Variants in XIRP2 observed in about 807,000 individuals in gnomAD.
XIRP2 encodes the protein xin actin-binding repeat-containing protein 2.
Under a neutral mutation model 277.0 loss-of-function variants are expected in XIRP2, and 236 were observed. That is an observed-to-expected ratio of 0.85 (90% confidence interval 0.77 to 0.95). The LOEUF is 0.95. XIRP2 is among the 40% of genes least tolerant of loss of function. XIRP2 has a pLI of 0.00. For synonymous variants in XIRP2, 1,490 were observed against 1,416.5 expected (o/e 1.05, Z -1.17); for missense variants, 4,640 against 4,157.5 (o/e 1.12, Z -3.19).
intron 3 of XIRP2, among the ~76,000 whole-genome samples, chr2:167,157,507 C>T (rs1196610685): frequency 6.6e-6 from 1 of 152,020 alleles, no homozygotes; most frequent in African/African-American, 2.4e-5. Context: ...TATAAGTATG[C>T]ATGTATAATA....
intron 2 of XIRP2, among the ~76,000 whole-genome samples, chr2:166,922,728 C>T (rs982871669): frequency 6.6e-6 from 1 of 151,532 alleles, no homozygotes; most frequent in Non-Finnish European, 1.5e-5. Flanking sequence ...TGCACTCCAG[C>T]CTGGGCAACA....
intron 2 of XIRP2, among the ~76,000 whole-genome samples, chr2:167,074,661 G>C (rs2105254693): frequency 6.6e-6 from 1 of 151,382 alleles, no homozygotes; most frequent in African/African-American, 2.4e-5. Context: ...TGTTTGTATG[G>C]GACAGGCTCT....
At chr2:167,149,494 T>A (rs1440174492) in intron 3 of XIRP2, among the ~76,000 whole-genome samples, 1 of 152,192 alleles carries the variant, frequency 6.6e-6, no homozygotes, top group Non-Finnish European at 1.5e-5. Flanking sequence ...GCATTTAGTT[T>A]ATGACATATG....
At chr2:167,204,165 T>C (rs1230054841) in intron 3 of XIRP2, among the ~76,000 whole-genome samples, 1 of 152,206 alleles carries the variant, frequency 6.6e-6, no homozygotes, top group Non-Finnish European at 1.5e-5. Context: ...CTTACATTGA[T>C]TTTAGCAAAT....
chr2:166,939,699 CA>C (rs796839379), intron 2 of XIRP2, among the ~76,000 whole-genome samples: 15 of 120,470 alleles, frequency 1.2e-4, no homozygotes, highest in South Asian at 2.7e-4. Context: ...AAAAAAAAAA[CA>C]AAAAACAAAA....
Position 167,210,801 on chromosome 2 carries a change from T to A in XIRP2, c.629T>A (p.Val210Glu). Residue 210 changes from valine to glutamate, a missense_variant, in exon 4 of 11, where the codon GTG becomes GAG. Transcript: ENST00000409195. Reference sequence around the variant, plus strand: ...GACAGTGCTGCTCGGGGCGAGGGTGTGTCAGACCTCCACGAAGTGGTCTCC... The same window carrying A: ...GACAGTGCTGCTCGGGGCGAGGGTGAGTCAGACCTCCACGAAGTGGTCTCC... ...AEDSAARGEG[V>E]SDLHEVVSLK... 1 of 1,614,158 alleles carries A rather than the reference T, an allele frequency of 6.2e-7. No individual in the cohort carries two copies. The highest frequency in any genetic ancestry group is 8.5e-7 in the Non-Finnish European group (1 of 1,180,010).
At chr2:167,218,082 A>T (rs1694309232) in intron 4 of XIRP2, 84 bp from the exon 5 acceptor site, 2 of 1,209,110 alleles carry the variant, frequency 1.7e-6, no homozygotes, top group South Asian at 5.3e-5. Flanking sequence ...CTATCAATAA[A>T]TGTCAACTAT....
In XIRP2 at chr2:167,246,320, G is replaced by A. The variant is rs1695261152; in HGVS notation, c.4928G>A (p.Arg1643Lys). The change falls in exon 9 of 11, where the codon AGA (arginine) becomes AAA (lysine). Residue 1643 changes from arginine (R) to lysine (K), a missense_variant. Physicochemically the swap from Arg to Lys is conservative, Grantham distance 26. Transcript: ENST00000409195. ...TTGACTAAAACTCAATTATTAAACA[G>A]ATCAACTGAATTTCATGCTGAAAAA... ...VNLTKTQLLN[R>K]STEFHAEKEE... The A allele has an allele frequency of 7.4e-6, 12 of 1,612,796 alleles. No homozygotes were observed. Among genetic ancestry groups the A allele is most frequent in the African/African-American group, 1.3e-5 (1 of 74,776 alleles).
Position 167,086,349 on chromosome 2 carries a change from A to G in XIRP2, c.409-49560A>G, listed in dbSNP as rs199634560. On this transcript the variant is annotated intron_variant, in intron 2 of 10. Transcript: ENST00000409195. ...ATGGGCTTCCCTTTGAGGGTAACCC[A>G]ACCTTTCTCTCTGGCTGCCCTTCAC... Among the ~76,000 whole-genome samples the G allele has an allele frequency of 1.6e-3, 250 of 152,242 alleles. 3 individuals carry two copies. The highest frequency in any genetic ancestry group is 5.5e-3 in the African/African-American group (227 of 41,566).
intron 2 of XIRP2, among the ~76,000 whole-genome samples, chr2:166,930,289 C>T (rs893440208): frequency 1.3e-5 from 2 of 152,134 alleles, no homozygotes; most frequent in African/African-American, 4.8e-5. Flanking sequence ...GATTTACCAC[C>T]AGACTTGAAG....
intron 2 of XIRP2, among the ~76,000 whole-genome samples, chr2:167,029,037 A>C (rs1326254871): frequency 6.6e-6 from 1 of 151,904 alleles, no homozygotes; most frequent in African/African-American, 2.4e-5. Flanking sequence ...AGAAAAAAAG[A>C]ATGAAAAACA....
At chr2:167,000,158 G>A (rs1467970591) in intron 2 of XIRP2, among the ~76,000 whole-genome samples, 1 of 152,026 alleles carries the variant, frequency 6.6e-6, no homozygotes, top group African/African-American at 2.4e-5. Context: ...ATTTGCTAGG[G>A]AATATTAGAG....
chr2:167,127,712 C>T (rs1050312318), intron 2 of XIRP2, among the ~76,000 whole-genome samples: 1 of 152,186 alleles, frequency 6.6e-6, no homozygotes. Context: ...TCAGGGGAAG[C>T]TCAAACTCAA....
intron 3 of XIRP2, among the ~76,000 whole-genome samples, chr2:167,153,351 T>G (rs1047783626): frequency 6.7e-6 from 1 of 148,244 alleles, no homozygotes; most frequent in Non-Finnish European, 1.5e-5. Context: ...TGTTTCACTC[T>G]TTAAAATAGT....
chr2:166,915,412 T>C (rs1204577713), intron 2 of XIRP2, among the ~76,000 whole-genome samples: 2 of 151,760 alleles, frequency 1.3e-5, no homozygotes, highest in Non-Finnish European at 1.5e-5. Flanking sequence ...TTGGGTGATA[T>C]AGATTATGTG....
rs987933515 is a variant in XIRP2 at position 167,146,820 on chromosome 2, T to C, written c.562+10758T>C. On this transcript the variant is annotated intron_variant, in intron 3 of 10. Transcript: ENST00000409195. ...AGGGTCTATACCTGTAGACAAAAGA[T>C]AGTGAAAGTACGTAATACGACAGAA... is the stretch of plus-strand genomic sequence containing the variant. Among the ~76,000 whole-genome samples the C allele has an allele frequency of 3.3e-5, 5 of 151,930 alleles. No homozygotes were observed. In the East Asian group the frequency reaches 9.7e-4, roughly 30 times the overall value.
At chr2:167,163,535 G>T (rs1692430439) in intron 3 of XIRP2, among the ~76,000 whole-genome samples, 1 of 151,940 alleles carries the variant, frequency 6.6e-6, no homozygotes, top group Non-Finnish European at 1.5e-5. Flanking sequence ...TGTTGTAGGT[G>T]TTCTTTACAT....
Position 166,898,968 on chromosome 2 carries a change from G to A in XIRP2, c.-18-4497G>A, listed in dbSNP as rs148772954. Among the ~76,000 whole-genome samples the A allele has an allele frequency of 2.3e-3, 356 of 152,192 alleles. 3 individuals carry two copies. Among genetic ancestry groups the A allele is most frequent in the African/African-American group, 7.7e-3 (321 of 41,538 alleles). On this transcript the variant is annotated intron_variant, in intron 1 of 10. Coordinates refer to ENST00000409195, the MANE Select transcript of XIRP2 (RefSeq NM_152381.6). Reference sequence around the variant, plus strand: ...GTTTTTAATCCACCCCACAATCTCTGTCTTTTCATTTTTATGCCTTGGGCA... The same window carrying A: ...GTTTTTAATCCACCCCACAATCTCTATCTTTTCATTTTTATGCCTTGGGCA...
At chr2:167,253,947 G>T (rs1351836853) in intron 9 of XIRP2, 85 bp from the exon 10 acceptor site, 1 of 1,451,736 alleles carries the variant, frequency 6.9e-7, no homozygotes, top group Non-Finnish European at 9.2e-7. Context: ...CGCATGGCCA[G>T]TTAATATGTG....
Sources: allele counts gnomAD v4.1 joint callset (sites outside exome capture counted in the v4.1 genomes callset), GRCh38; gene constraint gnomAD v4.1.1; transcripts MANE v1.5; gene names NCBI Gene and HGNC (gene_info 2026-07-23, HGNC 2026-07-21).